SIK3: variants seen among roughly 807,000 people sequenced by gnomAD.
SIK3 encodes the protein serine/threonine-protein kinase SIK3.
A neutral mutation model predicts 144.2 loss-of-function variants in SIK3; 28 were observed. That is an observed-to-expected ratio of 0.19 (90% confidence interval 0.14 to 0.27). The LOEUF (loss-of-function observed/expected upper bound fraction) is 0.27, where lower values mean the gene tolerates loss of function less well. Among genes scored for constraint, SIK3 ranks in the 10% least tolerant of loss-of-function variants. SIK3 has a pLI of 1.00. For synonymous variants in SIK3, 686 were observed against 676.3 expected, an observed-to-expected ratio of 1.01 and a Z score of -0.22; for missense variants, 1,319 against 1,776.0, an observed-to-expected ratio of 0.74 and a Z score of 4.62.
In SIK3 at chr11:117,020,236, C is replaced by CATATATATAT. The variant is rs754633188; in HGVS notation, c.274-63182_274-63173dup. On this transcript the variant is annotated intron_variant, in intron 1 of 24. Coordinates refer to ENST00000445177, the MANE Select transcript of SIK3 (RefSeq NM_001366686.3). ...GGTGATATTTGTATGTGTATATGTG[C>CATATATATAT]ATATATATATACACATACATATATC... Among the ~76,000 whole-genome samples, 36 of 122,274 alleles carry CATATATATAT rather than the reference C, an allele frequency of 2.9e-4. 3 individuals carry two copies. The highest frequency in any genetic ancestry group is 6.6e-4 in the East Asian group (3 of 4,544). The allele number at this position is 122,274 out of a possible 152,430, so 80.2% of individuals were successfully genotyped here.
At chr11:116,937,434 T>C (rs1334545269) in intron 3 of SIK3, among the ~76,000 whole-genome samples, 3 of 152,170 alleles carry the variant, frequency 2.0e-5, no homozygotes, top group South Asian at 2.1e-4. Flanking sequence ...TTTCTAAAAA[T>C]TGAAAGCAAC....
chr11:116,938,225 GAGGGGA>G (rs1280275510), intron 3 of SIK3, among the ~76,000 whole-genome samples: 1 of 110,242 alleles, frequency 9.1e-6, no homozygotes, highest in African/African-American at 3.7e-5. Flanking sequence ...GAGGGGAGGG[GAGGGGA>G]GGGGAGGGGA....
intron 11 of SIK3, 79 bp from the exon 12 acceptor site, chr11:116,874,135 T>C (rs1489659967): frequency 7.3e-7 from 1 of 1,377,220 alleles, no homozygotes; most frequent in Non-Finnish European, 1.0e-6. Flanking sequence ...CTGATGGCAT[T>C]GCTATGTTCA....
At position 117,056,507 on chromosome 11, in the gene SIK3, T is replaced by G. The variant is rs185651311; in HGVS notation, c.273+41636A>C. Among the ~76,000 whole-genome samples the G allele has an allele frequency of 1.2e-3, 181 of 149,956 alleles. 1 individual carries two copies. The highest frequency in any genetic ancestry group is 4.0e-3 in the African/African-American group (162 of 40,080). On this transcript the variant is annotated intron_variant, in intron 1 of 24. Coordinates refer to ENST00000445177, the MANE Select transcript of SIK3 (RefSeq NM_001366686.3). ...ACCTGCACATTGTGCACATGTGCCC[T>G]AGAACTTAAAGTATAATAAAAATAT... is the stretch of plus-strand genomic sequence containing the variant.
intron 3 of SIK3, among the ~76,000 whole-genome samples, chr11:116,952,901 A>G (rs76146269): frequency 0.073 from 11,046 of 152,286 alleles, 492 homozygotes; most frequent in Middle Eastern, 0.11. Flanking sequence ...ATTTCTTTAA[A>G]ATAAAGTATC....
intron 1 of SIK3, chr11:117,016,004 AG>A (rs1441672651): frequency 6.6e-6 from 1 of 152,072 alleles, no homozygotes; most frequent in Non-Finnish European, 1.5e-5. Flanking sequence ...AAAAGAAAAA[AG>A]TTGGGCAGTA....
In SIK3 at chr11:116,957,095, T is replaced by C. The variant is rs117233308; in HGVS notation, c.274-31A>G. 9 of 1,318,966 alleles carry C rather than the reference T, an allele frequency of 6.8e-6. No homozygotes were observed. The African/African-American group carries it at 1.0e-4, about 15-fold the overall frequency. The allele number at this position is 1,318,966 out of a possible 1,614,324, so 81.7% of individuals were successfully genotyped here. A position where few individuals can be genotyped will look rare whatever the true frequency, so the allele number is the denominator to read the frequency against. On this transcript the variant is annotated intron_variant, in intron 1 of 24. Transcript: ENST00000445177. ...AACAGAGGGAAAAAAATTACTCTGA[T>C]GCATTATTAAAAGCAGTTTACTAAG...
intron 1 of SIK3, among the ~76,000 whole-genome samples, chr11:116,958,020 A>T (rs1949207548): frequency 6.6e-6 from 1 of 152,192 alleles, no homozygotes; most frequent in Non-Finnish European, 1.5e-5. Context: ...AAATACTTAA[A>T]ATATTTGTGT....
intron 1 of SIK3, among the ~76,000 whole-genome samples, chr11:117,028,600 A>G (rs1287567749): frequency 6.6e-6 from 1 of 152,160 alleles, no homozygotes; most frequent in Non-Finnish European, 1.5e-5. Context: ...TGTGAAAGAA[A>G]TCTGGCAAAT....
intron 4 of SIK3, among the ~76,000 whole-genome samples, chr11:116,920,631 G>C (rs1000012303): frequency 6.6e-6 from 1 of 152,150 alleles, no homozygotes; most frequent in Non-Finnish European, 1.5e-5. Context: ...ATTAACACTT[G>C]CTGGAATTCT....
chr11:116,847,004 G>A lies in SIK3; in HGVS notation c.3953-451C>T, dbSNP rs1376876746. 5.3e-5 allele frequency among the ~76,000 whole-genome samples: 8 copies of A among 152,114 alleles called. 1 individual carries two copies. The highest frequency in any genetic ancestry group is 3.9e-4 in the Admixed American group (6 of 15,276). On this transcript the variant is annotated intron_variant, in intron 23 of 24. Coordinates refer to ENST00000445177, the MANE Select transcript of SIK3 (RefSeq NM_001366686.3). ...CACAATGTAGGATAAAGGCTCTATC[G>A]TTTTTGCCACTTTACAGATGAGGAT...
chr11:116,855,102 A>AAAAAAAAAAAAAAAC lies in SIK3; in HGVS notation c.3655+2707_3655+2708insGTTTTTTTTTTTTTT, dbSNP rs1168132311. ...CTCTGCCAAAAAAAAAAAAAAAAAA[A>AAAAAAAAAAAAAAAC]AAAAAAACTTGAGTTTTTTTCACAG... is the stretch of plus-strand genomic sequence containing the variant. On this transcript the variant is annotated intron_variant, in intron 21 of 24. Transcript: ENST00000445177. 6.2e-5 allele frequency among the ~76,000 whole-genome samples: 9 copies of AAAAAAAAAAAAAAAC among 144,454 alleles called. No homozygotes were observed. The East Asian group carries it at 1.1e-3, about 18-fold the overall frequency. 94.8% of individuals were successfully genotyped at this position (144,454 alleles called of 152,430 possible).
intron 6 of SIK3, among the ~76,000 whole-genome samples, chr11:116,889,266 A>C (rs1944980836): frequency 6.6e-6 from 1 of 152,244 alleles, no homozygotes; most frequent in South Asian, 2.1e-4. Flanking sequence ...TAGATTAAGT[A>C]AAAGAAAATA....
chr11:117,097,296 C>A lies in SIK3; in HGVS notation c.273+847G>T, dbSNP rs1955518129. Among the ~76,000 whole-genome samples the A allele has an allele frequency of 2.0e-5, 3 of 152,082 alleles. No individual in the cohort carries two copies. In the South Asian group the frequency reaches 6.2e-4, roughly 31 times the overall value. ...GGTTCTTCAATCACAAGCTTCCCCC[C>A]AACCAGTAAAAGCCCACCCTGGGTT... On this transcript the variant is annotated intron_variant, in intron 1 of 24. Transcript: ENST00000445177.
At position 116,867,871 on chromosome 11, in the gene SIK3, TC is replaced by T; in HGVS notation, c.1952+74del. ...TTTAAAGCCACGATGCTAGTCACCGTCGCTGTGAGACTAATCAGAAGGGTGC... is the reference window on the plus strand; with the variant it reads ...TTTAAAGCCACGATGCTAGTCACCGTGCTGTGAGACTAATCAGAAGGGTGC... On this transcript the variant is annotated intron_variant, in intron 15 of 24. Coordinates refer to ENST00000445177, the MANE Select transcript of SIK3 (RefSeq NM_001366686.3). This position sits in a 1 kb window ranked among gnomAD's most constrained non-coding sequence, Gnocchi z 4.1. The T allele has an allele frequency of 7.2e-7, 1 of 1,391,302 alleles. No homozygotes were observed. Among genetic ancestry groups the T allele is most frequent in the East Asian group, 2.6e-5 (1 of 38,864 alleles). 86.2% of individuals were successfully genotyped at this position (1,391,302 alleles called of 1,614,324 possible).
At chr11:116,927,403 C>A in intron 3 of SIK3, 23 bp from the exon 4 acceptor site, 2 of 1,605,136 alleles carry the variant, frequency 1.2e-6, no homozygotes, top group African/African-American at 1.3e-5. Context: ...AGAATACAGT[C>A]AGTTTTCATT....
At chr11:117,022,549 G>T (rs1405873149) in intron 1 of SIK3, among the ~76,000 whole-genome samples, 1 of 152,110 alleles carries the variant, frequency 6.6e-6, no homozygotes, top group African/African-American at 2.4e-5. Context: ...AAGCAGAAAG[G>T]AGAGGGTCTC....
At chr11:116,897,855 C>G (rs1035809741) in intron 4 of SIK3, among the ~76,000 whole-genome samples, 12 of 151,942 alleles carry the variant, frequency 7.9e-5, no homozygotes, top group Non-Finnish European at 1.6e-4. Context: ...TGCACTCCAG[C>G]CTGGGCGACA....
intron 3 of SIK3, among the ~76,000 whole-genome samples, chr11:116,947,567 G>GTT (rs1948728841): frequency 2.6e-5 from 1 of 38,500 alleles, no homozygotes; most frequent in African/African-American, 5.8e-5. Flanking sequence ...ATGTATGTAT[G>GTT]TATTTTTTTT....
Sources: allele counts gnomAD v4.1 joint callset (sites outside exome capture counted in the v4.1 genomes callset), GRCh38; gene constraint gnomAD v4.1.1; non-coding constraint Gnocchi (gnomAD v3.1); transcripts MANE v1.5; gene names NCBI Gene and HGNC (gene_info 2026-07-23, HGNC 2026-07-21).